The following IL36A variants were observed in gnomAD, a reference collection of about 807,000 sequenced individuals.
IL36A encodes interleukin-36 alpha.
IL36A carries 13 observed loss-of-function variants against 12.7 expected under a neutral mutation model. The observed-to-expected ratio is 1.02, with a 90% CI of 0.67 to 1.63. The LOEUF (loss-of-function observed/expected upper bound fraction) is 1.63, where lower values mean the gene tolerates loss of function less well. IL36A is among the 40% of genes most tolerant of loss of function. The probability of loss-of-function intolerance (pLI) is 0.00; values close to 1 mark genes in which losing one functional copy is unlikely to be tolerated. For synonymous variants in IL36A, 73 were observed against 71.9 expected (o/e 1.01, Z -0.08); for missense variants, 195 against 192.9 (o/e 1.01, Z -0.07).
At chr2:113,007,736 G>A (rs940251001) in intron 3 of IL36A, 96 bp from the exon 4 acceptor site, 1 of 953,734 alleles carries the variant, frequency 1.0e-6, no homozygotes, top group Non-Finnish European at 1.7e-6. Context: ...CAATGAGTAG[G>A]GAATGCTATC....
In IL36A at chr2:113,007,925, T is replaced by G. The variant is rs759839319; in HGVS notation, c.358T>G (p.Ser120Ala). ...SQSGRNSTFE[S>A]VAFPGWFIAV... ...GAGTGGCAGGAACTCCACCTTCGAG[T>G]CTGTGGCTTTCCCTGGCTGGTTCAT... Residue 120 changes from serine (S) to alanine (A), a missense_variant, in exon 4 of 4, where the codon TCT becomes GCT. Coordinates refer to ENST00000259211, the MANE Select transcript of IL36A (RefSeq NM_014440.3). The G allele has an allele frequency of 1.2e-6, 2 of 1,614,158 alleles. No homozygotes were observed. Among genetic ancestry groups the G allele is most frequent in the Non-Finnish European group, 1.7e-6 (2 of 1,180,008 alleles).
chr2:113,008,460 A>C (rs1461713585), downstream of IL36A: 1 of 171,694 alleles, frequency 5.8e-6, no homozygotes. Context: ...TCCCGGGTTC[A>C]CGCCATTCTC....
At chr2:113,009,519 A>G (rs1183293248), downstream of IL36A, among the ~76,000 whole-genome samples, 1 of 152,204 alleles carries the variant, frequency 6.6e-6, no homozygotes, top group Non-Finnish European at 1.5e-5. Flanking sequence ...TTGACATCTC[A>G]GTGGCTCTTT....
Position 113,007,959 on chromosome 2 carries a change from G to A in IL36A, c.392G>A (p.Ser131Asn), listed in dbSNP as rs757865904. 6.2e-7 allele frequency: 1 copy of A among 1,614,196 alleles called. No individual in the cohort carries two copies. Among genetic ancestry groups the A allele is most frequent in the Non-Finnish European group, 8.5e-7 (1 of 1,180,026 alleles). ...VAFPGWFIAVSSEGGCPLILT... is the reference protein window; with the variant it reads ...VAFPGWFIAVNSEGGCPLILT... ...TTCCCTGGCTGGTTCATCGCTGTCAGCTCTGAAGGAGGCTGTCCTCTCATC... is the reference window on the plus strand; with the variant it reads ...TTCCCTGGCTGGTTCATCGCTGTCAACTCTGAAGGAGGCTGTCCTCTCATC... Residue 131 changes from serine to asparagine, a missense_variant, in exon 4 of 4, where the codon AGC (serine) becomes AAC (asparagine). By Grantham distance (46) the Ser-to-Asn change is conservative. Transcript: ENST00000259211.
intron 2 of IL36A, 41 bp from the exon 3 acceptor site, chr2:113,006,557 G>A: frequency 6.2e-7 from 1 of 1,611,790 alleles, no homozygotes; most frequent in Non-Finnish European, 8.5e-7. Flanking sequence ...TACCACCCTG[G>A]AAATGGCAGC....
chr2:113,006,513 G>A lies in IL36A; in HGVS notation c.125-85G>A, dbSNP rs892492415. Reference sequence around the variant, plus strand: ...TTCTATGAGTGCACTGTGAGTGTCAGTTAGCAGATTCCCTTAAAACTCTGG... The same window carrying A: ...TTCTATGAGTGCACTGTGAGTGTCAATTAGCAGATTCCCTTAAAACTCTGG... On this transcript the variant is annotated intron_variant, in intron 2 of 3. Transcript: ENST00000259211. The A allele has an allele frequency of 4.1e-6, 6 of 1,478,546 alleles. No individual in the cohort carries two copies. In the Admixed American group the frequency reaches 6.9e-5, roughly 17 times the overall value. 91.6% of individuals were successfully genotyped at this position (1,478,546 alleles called of 1,614,324 possible).
chr2:113,007,365 G>T (rs1684643884), intron 3 of IL36A, among the ~76,000 whole-genome samples: 1 of 152,202 alleles, frequency 6.6e-6, no homozygotes, highest in Non-Finnish European at 1.5e-5. Context: ...TCGGGTAGAT[G>T]ACAGGGATGC....
intron 3 of IL36A, 77 bp downstream of exon 3, chr2:113,006,814 T>C (rs1424172072): frequency 4.1e-6 from 6 of 1,473,478 alleles, no homozygotes; most frequent in Non-Finnish European, 4.6e-6. Context: ...ACAATGTACT[T>C]ATTATGCTCA....
chr2:113,005,727 C>T lies in IL36A; in HGVS notation c.-145C>T, dbSNP rs1558823847. ...TGAGTTCTGGGAGTATAGATTCTGA[C>T]TGGGGTCACTGCTGGGCTGGCCGCC... On this transcript the variant is annotated 5_prime_UTR_variant, in exon 1 of 4. Coordinates refer to ENST00000259211, the MANE Select transcript of IL36A (RefSeq NM_014440.3). The T allele has an allele frequency of 2.4e-6, 2 of 838,536 alleles. No individual in the cohort carries two copies. Among genetic ancestry groups the T allele is most frequent in the African/African-American group, 1.7e-5 (1 of 59,722 alleles). 51.9% of individuals were successfully genotyped at this position (838,536 alleles called of 1,614,324 possible).
At position 113,005,958 on chromosome 2, in the gene IL36A, T is replaced by C; in HGVS notation, c.11-16T>C. The C allele has an allele frequency of 6.2e-7, 1 of 1,612,206 alleles. No individual in the cohort carries two copies. Among genetic ancestry groups the C allele is most frequent in the Non-Finnish European group, 8.5e-7 (1 of 1,178,224 alleles). On this transcript the variant is annotated splice_polypyrimidine_tract_variant and intron_variant, in intron 1 of 3. Transcript: ENST00000259211. ...GCTCTCATTCTTACTAATTTACATT[T>C]TGACTTTCTCAACAGCATTGAAAAT...
In IL36A at chr2:113,008,027, T is replaced by A; in HGVS notation, c.460T>A (p.Leu154Ile). The change falls in exon 4 of 4, where the codon TTA becomes ATA. Residue 154 changes from leucine (L) to isoleucine (I), a missense_variant. Coordinates refer to ENST00000259211, the MANE Select transcript of IL36A (RefSeq NM_014440.3). ...LGKANTTDFG[L>I]TMLF Reference sequence around the variant, plus strand: ...GAAAGCCAACACTACTGACTTTGGGTTAACTATGCTGTTTTAAGGTCAGTT... The same window carrying A: ...GAAAGCCAACACTACTGACTTTGGGATAACTATGCTGTTTTAAGGTCAGTT... The A allele has an allele frequency of 6.2e-7, 1 of 1,614,144 alleles. No individual in the cohort carries two copies. The highest frequency in any genetic ancestry group is 8.5e-7 in the Non-Finnish European group (1 of 1,179,966).
chr2:113,008,751 G>A (rs555263002), downstream of IL36A, among the ~76,000 whole-genome samples: 1 of 151,990 alleles, frequency 6.6e-6, no homozygotes, highest in Non-Finnish European at 1.5e-5. Context: ...TCTCAGTGAA[G>A]TTACATATGC....
Position 113,007,842 on chromosome 2 carries a change from T to C in IL36A, c.275T>C (p.Ile92Thr). 1.2e-6 allele frequency: 2 copies of C among 1,613,866 alleles called. No individual in the cohort carries two copies. Among genetic ancestry groups the C allele is most frequent in the Non-Finnish European group, 8.5e-7 (1 of 1,179,720 alleles). The change falls in exon 4 of 4, where the codon ATA (isoleucine) becomes ACA (threonine). Residue 92 changes from isoleucine (I) to threonine (T), a missense_variant. By Grantham distance (89) the Ile-to-Thr change is moderately conservative (BLOSUM62 -1). Coordinates refer to ENST00000259211, the MANE Select transcript of IL36A (RefSeq NM_014440.3). The stretch of plus-strand genomic sequence containing the variant: ...CTTCGCACCCTTCAGGAAAAGGATA[T>C]AATGGATTTGTACAACCAACCCGAG... ...QPTLQLKEKD[I>T]MDLYNQPEPV...
At chr2:113,010,581 G>A (rs1684712103), downstream of IL36A, among the ~76,000 whole-genome samples, 1 of 152,116 alleles carries the variant, frequency 6.6e-6, no homozygotes, top group African/African-American at 2.4e-5. Context: ...GACGTTGCCT[G>A]GATGTTTTCT....
Position 113,006,651 on chromosome 2 carries a change from G to C in IL36A, c.178G>C (p.Gly60Arg). Residue 60 changes from glycine to arginine, a missense_variant, in exon 3 of 4, where the codon GGG (glycine) becomes CGG (arginine). Gly to Arg is a moderately radical substitution (Grantham distance 125, BLOSUM62 -2). Transcript: ENST00000259211. ...TGTGGAGACCCTTGAGAAAGACAGA[G>C]GGAACCCCATCTACCTGGGCCTGAA... ...RHVETLEKDR[G>R]NPIYLGLNGL... 1 of 1,614,124 alleles carries C rather than the reference G, an allele frequency of 6.2e-7. No individual in the cohort carries two copies. The highest frequency in any genetic ancestry group is 8.5e-7 in the Non-Finnish European group (1 of 1,180,012).
chr2:113,006,235 A>G (rs1055575158), intron 2 of IL36A, 148 bp downstream of exon 2: 106 of 667,560 alleles, frequency 1.6e-4, no homozygotes, highest in Non-Finnish European at 1.6e-5. Context: ...GAGGGTGAGC[A>G]TAAGGTTGTT....
In IL36A at chr2:113,007,832, G is replaced by T; in HGVS notation, c.265G>T (p.Glu89Ter). The T allele has an allele frequency of 6.2e-7, 1 of 1,613,258 alleles. No homozygotes were observed. Among genetic ancestry groups the T allele is most frequent in the Non-Finnish European group, 8.5e-7 (1 of 1,179,224 alleles). Residue 89 changes from glutamate to a stop codon, truncating the protein, a stop_gained and splice_region_variant, in exon 4 of 4, where the codon GAA becomes TAA. Transcript: ENST00000259211. LOFTEE classifies it low-confidence loss of function (END_TRUNC). ...VGDQPTLQLK[E>*]KDIMDLYNQP... ...CTGGTGTCTCCTTCGCACCCTTCAGGAAAAGGATATAATGGATTTGTACAA... is the reference window on the plus strand; with the variant it reads ...CTGGTGTCTCCTTCGCACCCTTCAGTAAAAGGATATAATGGATTTGTACAA...
chr2:113,008,602 T>C, downstream of IL36A: 1 of 216,280 alleles, frequency 4.6e-6, no homozygotes, highest in Non-Finnish European at 9.4e-6. Context: ...TAAGTCCAGG[T>C]CTCTGGATTT....
intron 2 of IL36A, 93 bp from the exon 3 acceptor site, chr2:113,006,505 G>A: frequency 7.1e-7 from 1 of 1,398,732 alleles, no homozygotes; most frequent in South Asian, 1.3e-5. Flanking sequence ...AGTGCACTGT[G>A]AGTGTCAGTT....
Sources: allele counts gnomAD v4.1 joint callset (sites outside exome capture counted in the v4.1 genomes callset), GRCh38; gene constraint gnomAD v4.1.1; transcripts MANE v1.5; gene names NCBI Gene and HGNC (gene_info 2026-07-23, HGNC 2026-07-21).